IFT80: variants seen among roughly 807,000 people sequenced by gnomAD.
The protein encoded by IFT80 is intraflagellar transport protein 80 homolog.
In IFT80, 79 loss-of-function variants were observed where a neutral mutation model predicts 107.9. The observed-to-expected ratio is 0.73, with a 90% CI of 0.61 to 0.88. The LOEUF (loss-of-function observed/expected upper bound fraction) is 0.88, where lower values mean the gene tolerates loss of function less well. Among genes scored for constraint, IFT80 ranks in the 40% least tolerant of loss-of-function variants. The pLI is 0.00. For synonymous variants in IFT80, 299 were observed against 300.9 expected (o/e 0.99, Z 0.07); for missense variants, 797 against 914.2 (o/e 0.87, Z 1.65).
At chr3:160,275,943 G>T (rs1309449534) in intron 18 of IFT80, among the ~76,000 whole-genome samples, 1 of 149,518 alleles carries the variant, frequency 6.7e-6, no homozygotes, top group Non-Finnish European at 1.5e-5. Flanking sequence ...CGGTCTGGTC[G>T]CCCAGGCTGG....
chr3:160,311,706 C>T (rs141509031), intron 9 of IFT80, among the ~76,000 whole-genome samples: 3 of 152,216 alleles, frequency 2.0e-5, no homozygotes, highest in Non-Finnish European at 2.9e-5. Context: ...CGATATGCAG[C>T]GCATCAAAGA....
chr3:160,375,758 G>T, intron 5 of IFT80, 54 bp downstream of exon 5: 2 of 1,199,480 alleles, frequency 1.7e-6, no homozygotes, highest in Non-Finnish European at 2.5e-6. Context: ...AAACTTTAAG[G>T]CATTTTTGTA....
intron 19 of IFT80, among the ~76,000 whole-genome samples, chr3:160,259,356 G>A (rs934249245): frequency 7.9e-5 from 12 of 152,032 alleles, no homozygotes; most frequent in Non-Finnish European, 1.3e-4. Context: ...AAAGTGGACC[G>A]GACTCTGGTT....
At position 160,268,447 on chromosome 3, in the gene IFT80, T is replaced by A; in HGVS notation, c.2189A>T (p.Glu730Val). The A allele has an allele frequency of 6.2e-7, 1 of 1,613,484 alleles. No homozygotes were observed. Among genetic ancestry groups the A allele is most frequent in the South Asian group, 1.1e-5 (1 of 91,070 alleles). Reference sequence around the variant, plus strand: ...ATAATGCAAGTATCGTTTATTAGTTTCCTGTTTACCAAATGTCTCCAAAAA... The same window carrying A: ...ATAATGCAAGTATCGTTTATTAGTTACCTGTTTACCAAATGTCTCCAAAAA... ...QKFLETFGKQ[E>V]TNKRYLHYAE... The change falls in exon 19 of 20, where the codon GAA (glutamate) becomes GTA (valine). Residue 730 changes from glutamate to valine, a missense_variant. By Grantham distance (121) the Glu-to-Val change is moderately radical (BLOSUM62 -2). Coordinates refer to ENST00000326448, the MANE Select transcript of IFT80 (RefSeq NM_020800.3).
Position 160,356,282 on chromosome 3 carries a change from A to T in IFT80, c.640-132T>A, listed in dbSNP as rs923011532. Reference sequence around the variant, plus strand: ...ATAAAAACAAGTTTGTCTTCCAGTAAGGTAGTAAATAAAAATTTAGAAATC... The same window carrying T: ...ATAAAAACAAGTTTGTCTTCCAGTATGGTAGTAAATAAAAATTTAGAAATC... On this transcript the variant is annotated intron_variant, in intron 7 of 19. Transcript: ENST00000326448. 1.5e-5 allele frequency: 11 copies of T among 721,230 alleles called. No homozygotes were observed. In the African/African-American group the frequency reaches 1.8e-4, roughly 12 times the overall value. The allele number at this position is 721,230 out of a possible 1,614,324, so 44.7% of individuals were successfully genotyped here.
chr3:160,327,788 C>G (rs1402220361), intron 8 of IFT80, among the ~76,000 whole-genome samples: 1 of 152,070 alleles, frequency 6.6e-6, no homozygotes, highest in African/African-American at 2.4e-5. Flanking sequence ...GTACAGATTT[C>G]AGGATGAAGG....
At chr3:160,294,106 C>T (rs1715788985) in intron 12 of IFT80, among the ~76,000 whole-genome samples, 1 of 152,162 alleles carries the variant, frequency 6.6e-6, no homozygotes. Context: ...GATGGGGTCC[C>T]CAAATTTTTA....
intron 5 of IFT80, among the ~76,000 whole-genome samples, chr3:160,367,819 C>A (rs1721970209): frequency 2.0e-5 from 3 of 151,946 alleles, no homozygotes; most frequent in Admixed American, 1.3e-4. Flanking sequence ...GAAGACTATA[C>A]TTTATGTAAG....
intron 8 of IFT80, among the ~76,000 whole-genome samples, chr3:160,322,694 T>C (rs1194392896): frequency 1.1e-3 from 166 of 152,040 alleles, no homozygotes; most frequent in African/African-American, 3.7e-3. Context: ...CTCTCCAGCA[T>C]CTGTTGTTTC....
intron 5 of IFT80, among the ~76,000 whole-genome samples, chr3:160,366,825 A>G (rs889448526): frequency 6.6e-6 from 1 of 151,896 alleles, no homozygotes; most frequent in Non-Finnish European, 1.5e-5. Context: ...GAACAATCCA[A>G]TTGTACTCTC....
At chr3:160,358,483 T>C (rs762954163) in intron 6 of IFT80, among the ~76,000 whole-genome samples, 2 of 152,248 alleles carry the variant, frequency 1.3e-5, no homozygotes, top group Non-Finnish European at 2.9e-5. Context: ...AACAAAAAGA[T>C]GTTTTCCATA....
chr3:160,303,817 A>G (rs1162276537), intron 11 of IFT80, 98 bp downstream of exon 11: 3 of 742,710 alleles, frequency 4.0e-6, no homozygotes, highest in East Asian at 5.1e-5. Context: ...GTTCTAAATG[A>G]CTAGTATACC....
chr3:160,289,670 A>T (rs1331330513), intron 12 of IFT80, among the ~76,000 whole-genome samples: 3 of 152,198 alleles, frequency 2.0e-5, no homozygotes, highest in African/African-American at 7.2e-5. Context: ...TATTCATCTT[A>T]GTTTGGAAGA....
chr3:160,299,688 A>G (rs1347127150), intron 12 of IFT80, among the ~76,000 whole-genome samples: 2 of 152,072 alleles, frequency 1.3e-5, no homozygotes, highest in African/African-American at 2.4e-5. Context: ...CAGTATACCA[A>G]TGACCACCAA....
chr3:160,268,745 C>G (rs760074676), intron 18 of IFT80: 5 of 535,324 alleles, frequency 9.3e-6, no homozygotes, highest in African/African-American at 1.9e-5. Context: ...CTGACCAGCT[C>G]TTCTTGTAGA....
chr3:160,344,767 C>G (rs763141913), intron 8 of IFT80, among the ~76,000 whole-genome samples: 1 of 151,950 alleles, frequency 6.6e-6, no homozygotes, highest in Non-Finnish European at 1.5e-5. Context: ...ATAATATGAT[C>G]AAAAATTGGG....
chr3:160,310,004 CA>C (rs1309319060), intron 9 of IFT80, among the ~76,000 whole-genome samples: 1 of 151,926 alleles, frequency 6.6e-6, no homozygotes, highest in African/African-American at 2.4e-5. Context: ...CGGTCAAAAA[CA>C]AAAGCATTTC....
chr3:160,359,033 T>C (rs1721303180), intron 6 of IFT80, among the ~76,000 whole-genome samples: 1 of 152,202 alleles, frequency 6.6e-6, no homozygotes, highest in Admixed American at 6.5e-5. Context: ...ATGAGGTATA[T>C]ACTTCTGAAC....
intron 8 of IFT80, among the ~76,000 whole-genome samples, chr3:160,328,608 G>C (rs893836227): frequency 6.6e-6 from 1 of 151,838 alleles, no homozygotes; most frequent in Non-Finnish European, 1.5e-5. Context: ...GCTAAAAGCA[G>C]AACTATCATT....
Sources: allele counts gnomAD v4.1 joint callset (sites outside exome capture counted in the v4.1 genomes callset), GRCh38; gene constraint gnomAD v4.1.1; transcripts MANE v1.5; gene names NCBI Gene and HGNC (gene_info 2026-07-23, HGNC 2026-07-21).